QSOX2: variants seen among roughly 807,000 people sequenced by gnomAD.
QSOX2 encodes the protein quiescin sulfhydryl oxidase 2.
Under a neutral mutation model 61.7 loss-of-function variants are expected in QSOX2, and 46 were observed. That is an observed-to-expected ratio of 0.75 (90% CI 0.59 to 0.95). The LOEUF (loss-of-function observed/expected upper bound fraction) is 0.95, where lower values mean the gene tolerates loss of function less well. Among genes scored for constraint, QSOX2 ranks in the 40% least tolerant of loss-of-function variants. The pLI is 0.00. For synonymous variants in QSOX2, 383 were observed against 388.4 expected, an observed-to-expected ratio of 0.99 and a Z score of 0.16; for missense variants, 879 against 918.9, an observed-to-expected ratio of 0.96 and a Z score of 0.56.
chr9:136,219,605 C>T lies in QSOX2; in HGVS notation c.822-441G>A, dbSNP rs550560327. Reference sequence around the variant, plus strand: ...CGTCAGCCCCTCCCTGATGTCAGGCCCCTGAGCTCCCTGCGTGCCCACCCT... The same window carrying T: ...CGTCAGCCCCTCCCTGATGTCAGGCTCCTGAGCTCCCTGCGTGCCCACCCT... On this transcript the variant is annotated intron_variant, in intron 6 of 11. Transcript: ENST00000358701. Among the ~76,000 whole-genome samples, 5 of 152,214 alleles carry T rather than the reference C, an allele frequency of 3.3e-5. No individual in the cohort carries two copies. The East Asian group carries it at 9.7e-4, about 29-fold the overall frequency.
chr9:136,226,894 C>A lies in QSOX2; in HGVS notation c.329-20G>T. On this transcript the variant is annotated intron_variant, in intron 1 of 11. Coordinates refer to ENST00000358701, the MANE Select transcript of QSOX2 (RefSeq NM_181701.4). ...CCCAGTCTGAAAAGCAGGAGCATGA[C>A]CTTCAGTGTGGTGAGCACTGGACTC... 6.2e-7 allele frequency: 1 copy of A among 1,609,230 alleles called. No individual in the cohort carries two copies. The highest frequency in any genetic ancestry group is 8.5e-7 in the Non-Finnish European group (1 of 1,175,608).
intron 2 of QSOX2, among the ~76,000 whole-genome samples, chr9:136,226,510 C>T (rs922687067): frequency 4.6e-5 from 7 of 152,300 alleles, no homozygotes; most frequent in South Asian, 2.1e-4. Flanking sequence ...GGTCTTTTCA[C>T]GCATCCCCTC....
chr9:136,211,484 A>G, intron 10 of QSOX2, 32 bp from the exon 11 acceptor site: 1 of 1,606,940 alleles, frequency 6.2e-7, no homozygotes, highest in Non-Finnish European at 8.5e-7. Flanking sequence ...TGACAACGGC[A>G]GGTGCGTGGG....
chr9:136,236,723 T>C (rs59770415), intron 1 of QSOX2, among the ~76,000 whole-genome samples: 21,988 of 150,158 alleles, frequency 0.15, 2,987 homozygotes, highest in African/African-American at 0.37. Flanking sequence ...CACGTGGAGC[T>C]CGTCCTGGGT....
At position 136,208,961 on chromosome 9, in the gene QSOX2, G is replaced by T. The variant is rs763036431; in HGVS notation, c.1864C>A (p.Pro622Thr). 11 of 1,613,706 alleles carry T rather than the reference G, an allele frequency of 6.8e-6. No homozygotes were observed. The highest frequency in any genetic ancestry group is 2.2e-5 in the East Asian group (1 of 44,874). ...PGALGPRPALPESLHHSLDGK... is the reference protein window; with the variant it reads ...PGALGPRPALTESLHHSLDGK... ...TCCAAGCTGTGATGCAAGCTCTCTGGAAGGGCAGGCCTGGGGCCCAGTGCA... is the reference window on the plus strand; with the variant it reads ...TCCAAGCTGTGATGCAAGCTCTCTGTAAGGGCAGGCCTGGGGCCCAGTGCA... The change falls in exon 12 of 12, where the codon CCA becomes ACA. Residue 622 changes from proline to threonine, a missense_variant. Coordinates refer to ENST00000358701, the MANE Select transcript of QSOX2 (RefSeq NM_181701.4).
intron 10 of QSOX2, among the ~76,000 whole-genome samples, chr9:136,212,610 A>G (rs1831860486): frequency 6.6e-6 from 1 of 152,226 alleles, no homozygotes; most frequent in Non-Finnish European, 1.5e-5. Flanking sequence ...ATGGGACCGC[A>G]GGCGCTGGCC....
chr9:136,216,144 G>C (rs1432613380), intron 9 of QSOX2, among the ~76,000 whole-genome samples: 1 of 152,220 alleles, frequency 6.6e-6, no homozygotes, highest in Non-Finnish European at 1.5e-5. Flanking sequence ...AGAAGCTGCT[G>C]ATCTGGACTA....
intron 8 of QSOX2, among the ~76,000 whole-genome samples, chr9:136,217,574 A>G (rs1831929227): frequency 6.6e-6 from 1 of 152,276 alleles, no homozygotes; most frequent in Non-Finnish European, 1.5e-5. Flanking sequence ...AGTAAACTTC[A>G]GAAAAATATT....
intron 8 of QSOX2, among the ~76,000 whole-genome samples, chr9:136,217,920 G>T (rs763352925): frequency 6.6e-6 from 1 of 152,256 alleles, no homozygotes; most frequent in African/African-American, 2.4e-5. Flanking sequence ...AGTCCTTCAA[G>T]ATTTCCTGTA....
At chr9:136,226,961 G>C in intron 1 of QSOX2, 87 bp from the exon 2 acceptor site, 1 of 1,116,634 alleles carries the variant, frequency 9.0e-7, no homozygotes. Flanking sequence ...CCAGGCTGCG[G>C]CCACCTGCGA....
chr9:136,227,449 T>C (rs779515534), intron 1 of QSOX2, among the ~76,000 whole-genome samples: 1 of 152,152 alleles, frequency 6.6e-6, no homozygotes, highest in Non-Finnish European at 1.5e-5. Context: ...AAAGGAACCA[T>C]AAATTTTTTT....
In QSOX2 at chr9:136,208,378, A is replaced by G; in HGVS notation, c.*350T>C. ...CTGCAGGATGGGGCGGAGTGGAGGA[A>G]ACGAGATGAAAGTGTGTGGGGAAGA... is the stretch of plus-strand genomic sequence containing the variant. On this transcript the variant is annotated 3_prime_UTR_variant, in exon 12 of 12. Coordinates refer to ENST00000358701, the MANE Select transcript of QSOX2 (RefSeq NM_181701.4). The G allele has an allele frequency of 5.7e-6, 1 of 176,480 alleles. No homozygotes were observed. 10.9% of individuals were successfully genotyped at this position (176,480 alleles called of 1,614,324 possible).
chr9:136,222,540 A>T lies in QSOX2; in HGVS notation c.676-599T>A, dbSNP rs1564292761. On this transcript the variant is annotated intron_variant, in intron 5 of 11. Transcript: ENST00000358701. The surrounding 1 kb of genome is among the most constrained non-coding windows in gnomAD (Gnocchi z 6.9). ...ACAAAACCAGCTGCTCCTCAAACCA[A>T]GGGCCCTGGCTAAAGGTGTGAACTG... Among the ~76,000 whole-genome samples, 1 of 152,074 alleles carries T rather than the reference A, an allele frequency of 6.6e-6. No homozygotes were observed. Among genetic ancestry groups the T allele is most frequent in the Admixed American group, 6.5e-5 (1 of 15,276 alleles).
At position 136,222,483 on chromosome 9, in the gene QSOX2, G is replaced by A. The variant is rs935500177; in HGVS notation, c.676-542C>T. Among the ~76,000 whole-genome samples the A allele has an allele frequency of 5.3e-5, 8 of 152,210 alleles. No homozygotes were observed. Among genetic ancestry groups the A allele is most frequent in the African/African-American group, 1.4e-4 (6 of 41,442 alleles). On this transcript the variant is annotated intron_variant, in intron 5 of 11. Coordinates refer to ENST00000358701, the MANE Select transcript of QSOX2 (RefSeq NM_181701.4). The surrounding 1 kb of genome is among the most constrained non-coding windows in gnomAD (Gnocchi z 6.9). ...ACCCTGCGTGCGCCACCACCACATC[G>A]GGCGTACGTCTTTCCTTCTCTTAAC...
chr9:136,216,146 T>C (rs1831910132), intron 9 of QSOX2, among the ~76,000 whole-genome samples: 2 of 152,120 alleles, frequency 1.3e-5, no homozygotes, highest in East Asian at 3.9e-4. Context: ...AAGCTGCTGA[T>C]CTGGACTAAG....
rs1012670415 is a variant in QSOX2, at chr9:136,222,781, T to A, written c.676-840A>T. ...GCACCAAGACGGTCCCACACCCGCC[T>A]CTTCTCAGGGGAACACCTGCCTCTG... is the stretch of plus-strand genomic sequence containing the variant. On this transcript the variant is annotated intron_variant, in intron 5 of 11. Coordinates refer to ENST00000358701, the MANE Select transcript of QSOX2 (RefSeq NM_181701.4). The surrounding 1 kb of genome is among the most constrained non-coding windows in gnomAD (Gnocchi z 6.9). 6.6e-6 allele frequency among the ~76,000 whole-genome samples: 1 copy of A among 152,162 alleles called. No individual in the cohort carries two copies. Among genetic ancestry groups the A allele is most frequent in the African/African-American group, 2.4e-5 (1 of 41,438 alleles).
At chr9:136,226,904 G>A in intron 1 of QSOX2, 30 bp from the exon 2 acceptor site, 1 of 1,587,970 alleles carries the variant, frequency 6.3e-7, no homozygotes. Context: ...CCTTCAGTGT[G>A]GTGAGCACTG....
intron 1 of QSOX2, among the ~76,000 whole-genome samples, chr9:136,230,218 G>A (rs62579023): frequency 0.037 from 5,675 of 152,306 alleles, 167 homozygotes; most frequent in African/African-American, 0.078. Flanking sequence ...GGAGGAGGCT[G>A]CAGTGAGCCA....
rs781786081 is a variant in QSOX2, at chr9:136,245,541, G to A, written c.263C>T (p.Ser88Leu). 3.1e-6 allele frequency: 5 copies of A among 1,591,900 alleles called. No homozygotes were observed. The highest frequency in any genetic ancestry group is 2.2e-5 in the South Asian group (2 of 90,734). Reference protein sequence around the residue: ...SSAAWLVQFYSSWCGHCIGYA... With the variant: ...SSAAWLVQFYLSWCGHCIGYA... ...GCCGATGCAGTGGCCACACCACGACGAGTAGAACTGCACGAGCCACGCGGC... is the reference window on the plus strand; with the variant it reads ...GCCGATGCAGTGGCCACACCACGACAAGTAGAACTGCACGAGCCACGCGGC... Residue 88 changes from serine (S) to leucine (L), a missense_variant, in exon 1 of 12, where the codon TCG (serine) becomes TTG (leucine). Physicochemically the swap from Ser to Leu is moderately radical, Grantham distance 145. Transcript: ENST00000358701.
Sources: gnomAD v4.1 joint callset for allele counts (sites outside exome capture counted in the v4.1 genomes callset) on GRCh38, gnomAD v4.1.1 for gene constraint, Gnocchi (gnomAD v3.1) non-coding constraint, MANE v1.5 for transcripts, NCBI Gene and HGNC (gene_info 2026-07-23, HGNC 2026-07-21) for gene names.